The following FDX1 variants were observed in gnomAD, a reference collection of about 807,000 sequenced individuals.
FDX1 encodes the protein adrenodoxin, mitochondrial.
FDX1 carries 9 observed loss-of-function variants against 14.9 expected under a neutral mutation model. That is an observed-to-expected ratio of 0.60 (90% CI 0.36 to 1.05). The LOEUF is 1.05. Ranked by LOEUF, FDX1 falls within the 50% of genes least tolerant of loss-of-function variation. FDX1 has a pLI of 0.01. For synonymous variants in FDX1, 92 were observed against 99.4 expected, an observed-to-expected ratio of 0.93 and a Z score of 0.44; for missense variants, 204 against 237.2, an observed-to-expected ratio of 0.86 and a Z score of 0.92.
In FDX1 at chr11:110,463,071, C is replaced by T. The variant is rs958713554; in HGVS notation, c.*603C>T. On this transcript the variant is annotated 3_prime_UTR_variant, in exon 4 of 4. Coordinates refer to ENST00000260270, the MANE Select transcript of FDX1 (RefSeq NM_004109.5). ...AAATAAATATTTCAAAATTTTGATTCGGAAGACTAAGTCTGGACGTAGACA... is the reference window on the plus strand; with the variant it reads ...AAATAAATATTTCAAAATTTTGATTTGGAAGACTAAGTCTGGACGTAGACA... 2.0e-5 allele frequency: 3 copies of T among 152,178 alleles called. No individual in the cohort carries two copies. The highest frequency in any genetic ancestry group is 4.8e-5 in the African/African-American group (2 of 41,436). 9.4% of individuals were successfully genotyped at this position (152,178 alleles called of 1,614,324 possible).
chr11:110,446,167 C>G (rs1946448637), intron 2 of FDX1, among the ~76,000 whole-genome samples: 1 of 152,130 alleles, frequency 6.6e-6, no homozygotes, highest in Non-Finnish European at 1.5e-5. Context: ...TAAGCCTAAG[C>G]TTCTTTCTAG....
At chr11:110,442,590 T>C (rs1055845281) in intron 2 of FDX1, among the ~76,000 whole-genome samples, 2 of 152,224 alleles carry the variant, frequency 1.3e-5, no homozygotes, top group African/African-American at 2.4e-5. Flanking sequence ...CCATTTGGAA[T>C]AGCTATATTT....
chr11:110,449,846 T>A (rs139910828), intron 2 of FDX1, among the ~76,000 whole-genome samples: 2,889 of 152,288 alleles, frequency 0.019, 76 homozygotes, highest in African/African-American at 0.061. Context: ...CAGGCTGGTC[T>A]CGAATACCTG....
At chr11:110,439,429 G>A (rs970351183) in intron 2 of FDX1, among the ~76,000 whole-genome samples, 18 of 152,006 alleles carry the variant, frequency 1.2e-4, no homozygotes, top group Middle Eastern at 3.4e-3. Context: ...GGCTAGTCTC[G>A]AACTCCTGAC....
Position 110,436,018 on chromosome 11 carries a change from T to G in FDX1, c.310+60T>G, listed in dbSNP as rs191114093. ...AAACTGTTAGGTTTCAAATTTTTAT[T>G]TTGTGGTTTTTTTTTTTGAAGAAGT... On this transcript the variant is annotated intron_variant, in intron 2 of 3. Transcript: ENST00000260270. The G allele has an allele frequency of 3.6e-4, 545 of 1,496,506 alleles. 6 individuals are homozygous for G. In the East Asian group the frequency reaches 0.011, roughly 31 times the overall value. 92.7% of individuals were successfully genotyped at this position (1,496,506 alleles called of 1,614,324 possible). A position where few individuals can be genotyped will look rare whatever the true frequency, so the allele number is the denominator to read the frequency against.
chr11:110,432,258 G>A (rs1423191079), intron 1 of FDX1, among the ~76,000 whole-genome samples: 1 of 152,118 alleles, frequency 6.6e-6, no homozygotes, highest in Non-Finnish European at 1.5e-5. Context: ...AGGTAGCAAA[G>A]ATCTTTCACG....
At chr11:110,433,300 A>C (rs972669065) in intron 1 of FDX1, among the ~76,000 whole-genome samples, 1 of 152,196 alleles carries the variant, frequency 6.6e-6, no homozygotes, top group African/African-American at 2.4e-5. Flanking sequence ...GGACATTCTC[A>C]TCTGGCTTTT....
intron 2 of FDX1, among the ~76,000 whole-genome samples, chr11:110,443,930 T>C (rs1024140295): frequency 2.0e-5 from 3 of 152,114 alleles, no homozygotes; most frequent in African/African-American, 7.2e-5. Flanking sequence ...TTTTGCTTAT[T>C]GATTTAAGTT....
At chr11:110,444,750 A>ACG (rs1174811884) in intron 2 of FDX1, among the ~76,000 whole-genome samples, 1 of 117,218 alleles carries the variant, frequency 8.5e-6, no homozygotes, top group African/African-American at 3.6e-5. Context: ...ATATACACGT[A>ACG]TATATATATA....
chr11:110,462,496 G>A lies in FDX1; in HGVS notation c.*28G>A. On this transcript the variant is annotated 3_prime_UTR_variant, in exon 4 of 4. Coordinates refer to ENST00000260270, the MANE Select transcript of FDX1 (RefSeq NM_004109.5). ...TAGAACAAATAGGAATATTTTCATGGAATTTTACCTATTTTTATAATTATT... is the reference window on the plus strand; with the variant it reads ...TAGAACAAATAGGAATATTTTCATGAAATTTTACCTATTTTTATAATTATT... The A allele has an allele frequency of 3.6e-6, 4 of 1,108,070 alleles. No individual in the cohort carries two copies. Among genetic ancestry groups the A allele is most frequent in the Admixed American group, 1.8e-5 (1 of 55,436 alleles). The allele number at this position is 1,108,070 out of a possible 1,614,324, so 68.6% of individuals were successfully genotyped here. A position where few individuals can be genotyped will look rare whatever the true frequency, so the allele number is the denominator to read the frequency against.
intron 2 of FDX1, among the ~76,000 whole-genome samples, chr11:110,454,143 A>G (rs1232371185): frequency 1.3e-5 from 2 of 152,244 alleles, no homozygotes; most frequent in African/African-American, 4.8e-5. Flanking sequence ...GCATTTTTCA[A>G]ATTCTTATTA....
intron 2 of FDX1, among the ~76,000 whole-genome samples, chr11:110,455,794 G>A (rs1946517840): frequency 6.6e-6 from 1 of 152,208 alleles, no homozygotes; most frequent in Non-Finnish European, 1.5e-5. Flanking sequence ...TCCTTTAGAA[G>A]GATTAAACTC....
At position 110,444,666 on chromosome 11, in the gene FDX1, G is replaced by GTATA. The variant is rs796652673; in HGVS notation, c.310+8723_310+8726dup. ...TGTGTGTGTGTATATATATATATAC[G>GTATA]TATATATATATATATATACACGTAT... On this transcript the variant is annotated intron_variant, in intron 2 of 3. Transcript: ENST00000260270. 1.8e-3 allele frequency among the ~76,000 whole-genome samples: 77 copies of GTATA among 42,590 alleles called. 3 individuals are homozygous for GTATA. Among genetic ancestry groups the GTATA allele is most frequent in the South Asian group, 3.6e-3 (5 of 1,384 alleles). 27.9% of individuals were successfully genotyped at this position (42,590 alleles called of 152,430 possible).
At chr11:110,458,751 G>A (rs549369943) in intron 3 of FDX1, among the ~76,000 whole-genome samples, 1 of 152,108 alleles carries the variant, frequency 6.6e-6, no homozygotes, top group African/African-American at 2.4e-5. Context: ...GGGATTACAG[G>A]TGCCTGCCAC....
At chr11:110,441,005 T>C (rs1470218152) in intron 2 of FDX1, among the ~76,000 whole-genome samples, 7 of 152,216 alleles carry the variant, frequency 4.6e-5, no homozygotes, top group Non-Finnish European at 1.0e-4. Flanking sequence ...TATGCTGTTC[T>C]TGTGACAGTG....
intron 2 of FDX1, 41 bp from the exon 3 acceptor site, chr11:110,456,877 A>T (rs981762551): frequency 6.3e-7 from 1 of 1,579,720 alleles, no homozygotes; most frequent in Non-Finnish European, 8.6e-7. Flanking sequence ...GAATCGTCTG[A>T]TGTAGAAGGG....
chr11:110,444,724 G>GTATATATATATATATATACGTA (rs1946436165), intron 2 of FDX1, among the ~76,000 whole-genome samples: 1 of 27,428 alleles, frequency 3.6e-5, no homozygotes, highest in African/African-American at 2.1e-4. Context: ...ATATATATAC[G>GTATATATATATATATATACGTA]TATATATATA....
At chr11:110,440,857 A>G (rs2134679094) in intron 2 of FDX1, among the ~76,000 whole-genome samples, 1 of 152,358 alleles carries the variant, frequency 6.6e-6, no homozygotes, top group East Asian at 1.9e-4. Context: ...AAGCTCACAA[A>G]AAAATCACTT....
intron 2 of FDX1, among the ~76,000 whole-genome samples, chr11:110,456,615 T>C (rs996069993): frequency 6.6e-6 from 1 of 150,876 alleles, no homozygotes; most frequent in African/African-American, 2.4e-5. Context: ...CAAGTATTTC[T>C]TCTGCCTCAG....
Sources: gnomAD v4.1 joint callset for allele counts (sites outside exome capture counted in the v4.1 genomes callset) on GRCh38, gnomAD v4.1.1 for gene constraint, MANE v1.5 for transcripts, NCBI Gene and HGNC (gene_info 2026-07-23, HGNC 2026-07-21) for gene names.